The following ELAVL2 variants were observed in gnomAD, a reference collection of about 807,000 sequenced individuals.
ELAVL2 encodes the protein ELAV-like protein 2.
Under a neutral mutation model 34.6 loss-of-function variants are expected in ELAVL2, and 4 were observed. The ratio of observed to expected loss-of-function variants is 0.12; its 90% CI spans 0.06 to 0.26. The LOEUF is 0.26. Ranked by LOEUF, ELAVL2 falls within the 10% of genes least tolerant of loss-of-function variation. ELAVL2 has a pLI of 1.00. For synonymous variants in ELAVL2, 193 were observed against 154.8 expected, an observed-to-expected ratio of 1.25 and a Z score of -1.83; for missense variants, 432 against 442.8, an observed-to-expected ratio of 0.98 and a Z score of 0.22.
intron 1 of ELAVL2, among the ~76,000 whole-genome samples, chr9:23,785,579 C>T (rs1019890231): frequency 5.3e-5 from 8 of 152,202 alleles, no homozygotes; most frequent in African/African-American, 1.9e-4. Context: ...GGAAACAATC[C>T]CCTTCAAATT....
intron 1 of ELAVL2, among the ~76,000 whole-genome samples, chr9:23,795,024 G>C (rs2060745498): frequency 6.6e-6 from 1 of 151,820 alleles, no homozygotes. Context: ...CCTTATAATA[G>C]CTTTTGATCA....
chr9:23,720,755 A>T (rs1354767285), intron 3 of ELAVL2, among the ~76,000 whole-genome samples: 1 of 152,208 alleles, frequency 6.6e-6, no homozygotes. Context: ...TTTTAAAATA[A>T]GCACCACAGA....
At chr9:23,767,519 G>A (rs1174307489) in intron 1 of ELAVL2, among the ~76,000 whole-genome samples, 2 of 152,294 alleles carry the variant, frequency 1.3e-5, no homozygotes, top group East Asian at 3.9e-4. Context: ...GGCGGCTCAC[G>A]TCTGTAATCC....
At chr9:23,704,488 T>A (rs974339045) in intron 4 of ELAVL2, among the ~76,000 whole-genome samples, 27 of 152,276 alleles carry the variant, frequency 1.8e-4, no homozygotes, top group African/African-American at 6.3e-4. Context: ...GAAAACAGCC[T>A]GAACAGCAAT....
intron 1 of ELAVL2, among the ~76,000 whole-genome samples, chr9:23,763,534 A>G (rs889604685): frequency 1.3e-5 from 2 of 152,118 alleles, no homozygotes; most frequent in Admixed American, 6.6e-5. Flanking sequence ...AAGCTTTAAC[A>G]TAGAAAAGGC....
the ELAVL2 span, among the ~76,000 whole-genome samples, chr9:23,840,215 C>G: frequency 1.3e-5 from 2 of 152,160 alleles, no homozygotes; most frequent in Non-Finnish European, 2.9e-5. Context: ...AAGTATTTGT[C>G]AAGTGCCTGG....
intron 2 of ELAVL2, among the ~76,000 whole-genome samples, chr9:23,738,313 A>C (rs942355043): frequency 4.6e-5 from 7 of 152,188 alleles, no homozygotes; most frequent in African/African-American, 1.7e-4. Context: ...TTAATTCCTG[A>C]CTTAGCCTGA....
chr9:23,765,775 T>G (rs748734669), intron 1 of ELAVL2, among the ~76,000 whole-genome samples: 1 of 152,160 alleles, frequency 6.6e-6, no homozygotes, highest in Non-Finnish European at 1.5e-5. Flanking sequence ...ATAGGATTGT[T>G]TGGAGTAATG....
intron 1 of ELAVL2, among the ~76,000 whole-genome samples, chr9:23,771,817 T>C (rs1213803533): frequency 6.6e-6 from 1 of 152,210 alleles, no homozygotes; most frequent in Non-Finnish European, 1.5e-5. Context: ...TCTGTATTTT[T>C]CAACAGGGTC....
At chr9:23,695,787 C>A (rs1201066837) in intron 5 of ELAVL2, among the ~76,000 whole-genome samples, 4 of 152,132 alleles carry the variant, frequency 2.6e-5, no homozygotes, top group Non-Finnish European at 5.9e-5. Context: ...TATGATATCA[C>A]TAGACAATAG....
intron 3 of ELAVL2, among the ~76,000 whole-genome samples, chr9:23,709,424 C>T (rs1372919569): frequency 3.3e-5 from 5 of 151,726 alleles, no homozygotes; most frequent in African/African-American, 1.2e-4. Context: ...TTGTATCTGA[C>T]CATTACCAGC....
intron 3 of ELAVL2, among the ~76,000 whole-genome samples, chr9:23,726,153 A>G (rs1051006646): frequency 2.0e-5 from 3 of 152,146 alleles, no homozygotes; most frequent in East Asian, 3.8e-4. Flanking sequence ...AATTTAACAA[A>G]AAGTTAATGG....
At chr9:23,760,898 A>G (rs185341449) in intron 2 of ELAVL2, among the ~76,000 whole-genome samples, 2 of 152,160 alleles carry the variant, frequency 1.3e-5, no homozygotes, top group African/African-American at 2.4e-5. Flanking sequence ...TCTTGGAGAG[A>G]ATGAGCCCTA....
At chr9:23,697,540 A>G (rs779546656) in intron 5 of ELAVL2, among the ~76,000 whole-genome samples, 1 of 152,178 alleles carries the variant, frequency 6.6e-6, no homozygotes, top group Non-Finnish European at 1.5e-5. Context: ...GCACACGCCC[A>G]TGTACATATG....
At chr9:23,778,480 G>A (rs1489676215) in intron 1 of ELAVL2, among the ~76,000 whole-genome samples, 1 of 152,102 alleles carries the variant, frequency 6.6e-6, no homozygotes, top group Non-Finnish European at 1.5e-5. Context: ...ATAAAGTTTG[G>A]CAAGAGTCCA....
rs193014742 is a variant in ELAVL2 at position 23,702,878 on chromosome 9, T to C, written c.488-1274A>G. On this transcript the variant is annotated intron_variant, in intron 4 of 6. Coordinates refer to ENST00000397312, the MANE Select transcript of ELAVL2 (RefSeq NM_004432.5). The stretch of plus-strand genomic sequence containing the variant: ...GTGAAATGATAGCAAATCCTTTCAC[T>C]TATCTACTAGCGCCTATTAAGAATT... Among the ~76,000 whole-genome samples, 229 of 144,942 alleles carry C rather than the reference T, an allele frequency of 1.6e-3. 1 individual carries two copies. The highest frequency in any genetic ancestry group is 5.5e-3 in the African/African-American group (218 of 39,648).
At chr9:23,734,805 T>C (rs966457478) in intron 2 of ELAVL2, among the ~76,000 whole-genome samples, 3 of 151,934 alleles carry the variant, frequency 2.0e-5, no homozygotes, top group African/African-American at 7.3e-5. Flanking sequence ...ATAAAAGCAG[T>C]AGCAAGGCAA....
At chr9:23,847,999 T>A in the ELAVL2 span, among the ~76,000 whole-genome samples, 1 of 152,028 alleles carries the variant, frequency 6.6e-6, no homozygotes, top group African/African-American at 2.4e-5. Flanking sequence ...TGAATAAAGT[T>A]GTTTTTCTCC....
At chr9:23,695,810 G>A (rs921997680) in intron 5 of ELAVL2, among the ~76,000 whole-genome samples, 1 of 152,126 alleles carries the variant, frequency 6.6e-6, no homozygotes, top group Non-Finnish European at 1.5e-5. Flanking sequence ...ATTTTTTGCA[G>A]TCTACTATAT....
Sources: allele counts gnomAD v4.1 joint callset (sites outside exome capture counted in the v4.1 genomes callset), GRCh38; gene constraint gnomAD v4.1.1; transcripts MANE v1.5; gene names NCBI Gene and HGNC (gene_info 2026-07-23, HGNC 2026-07-21).